Variants in TMEM132D observed in about 807,000 individuals in gnomAD.
The protein encoded by TMEM132D is transmembrane protein 132D.
A neutral mutation model predicts 62.3 loss-of-function variants in TMEM132D; 21 were observed. The observed-to-expected ratio is 0.34, with a 90% confidence interval of 0.24 to 0.49. The LOEUF (loss-of-function observed/expected upper bound fraction) is 0.49. Among genes scored for constraint, TMEM132D ranks in the 20% least tolerant of loss-of-function variants. The pLI, the probability that TMEM132D is intolerant of heterozygous loss-of-function variation, is 0.99. For missense variants in TMEM132D, 1,346 were observed against 1,402.8 expected (o/e 0.96, Z 0.65); for synonymous variants, 621 against 575.6 (o/e 1.08, Z -1.13).
chr12:129,177,988 A>G (rs550711285), intron 5 of TMEM132D, among the ~76,000 whole-genome samples: 5 of 151,982 alleles, frequency 3.3e-5, no homozygotes, highest in African/African-American at 1.2e-4. Context: ...GGCTCTCATC[A>G]TTCAGCTCCC....
At chr12:129,455,025 T>C (rs995558277) in intron 3 of TMEM132D, among the ~76,000 whole-genome samples, 4 of 152,200 alleles carry the variant, frequency 2.6e-5, no homozygotes, top group African/African-American at 9.6e-5. Flanking sequence ...CAGGACCACA[T>C]GTGGTACTTC....
chr12:129,758,907 T>C (rs1359328901), intron 1 of TMEM132D, among the ~76,000 whole-genome samples: 1 of 152,048 alleles, frequency 6.6e-6, no homozygotes, highest in East Asian at 1.9e-4. Context: ...AAATCCTTTG[T>C]GGTGTGTGTT....
Position 129,797,567 on chromosome 12 carries a change from G to T in TMEM132D, c.80-96869C>A, listed in dbSNP as rs528309347. Among the ~76,000 whole-genome samples, 4 of 152,280 alleles carry T rather than the reference G, an allele frequency of 2.6e-5. No individual in the cohort carries two copies. The East Asian group carries it at 7.8e-4, about 30-fold the overall frequency. On this transcript the variant is annotated intron_variant, in intron 1 of 8. Transcript: ENST00000422113. ...GGCTCTGGGTTGGGAGGCAGGTAAGGTTCTGAAAGTCCCGGCTGTGACTTA... is the reference window on the plus strand; with the variant it reads ...GGCTCTGGGTTGGGAGGCAGGTAAGTTTCTGAAAGTCCCGGCTGTGACTTA...
At chr12:129,354,419 G>A (rs144975206) in intron 3 of TMEM132D, among the ~76,000 whole-genome samples, 1 of 152,012 alleles carries the variant, frequency 6.6e-6, no homozygotes, top group East Asian at 1.9e-4. Context: ...CACCTCCTGG[G>A]TTCAAGCAAT....
chr12:129,742,514 G>A (rs1223504568), intron 1 of TMEM132D, among the ~76,000 whole-genome samples: 1 of 152,162 alleles, frequency 6.6e-6, no homozygotes, highest in Non-Finnish European at 1.5e-5. Context: ...CTCCCACATT[G>A]GAGGTCACAT....
At chr12:129,300,542 G>C (rs1023234414) in intron 4 of TMEM132D, among the ~76,000 whole-genome samples, 1 of 152,138 alleles carries the variant, frequency 6.6e-6, no homozygotes, top group Non-Finnish European at 1.5e-5. Context: ...TTTTCGTTTT[G>C]GGAGGGTAGC....
At chr12:129,828,537 G>A (rs1234742462) in intron 1 of TMEM132D, among the ~76,000 whole-genome samples, 2 of 150,550 alleles carry the variant, frequency 1.3e-5, no homozygotes, top group Non-Finnish European at 2.9e-5. Context: ...TACAATATGA[G>A]CACTCAAATT....
intron 1 of TMEM132D, among the ~76,000 whole-genome samples, chr12:129,782,141 G>T (rs993934645): frequency 6.6e-6 from 1 of 152,170 alleles, no homozygotes; most frequent in Admixed American, 6.5e-5. Context: ...TTTCGATTTT[G>T]TTCAGATTAT....
At chr12:129,235,965 C>A (rs901153804) in intron 4 of TMEM132D, among the ~76,000 whole-genome samples, 2 of 152,086 alleles carry the variant, frequency 1.3e-5, no homozygotes, top group Non-Finnish European at 2.9e-5. Context: ...AATATTAATT[C>A]TTTCAATCCA....
chr12:129,297,711 A>T (rs1881611934), intron 4 of TMEM132D, among the ~76,000 whole-genome samples: 1 of 152,198 alleles, frequency 6.6e-6, no homozygotes, highest in African/African-American at 2.4e-5. Context: ...ATCCTGCATC[A>T]GACTGGATAA....
At chr12:129,765,959 T>C (rs1340519682) in intron 1 of TMEM132D, among the ~76,000 whole-genome samples, 1 of 152,184 alleles carries the variant, frequency 6.6e-6, no homozygotes, top group Non-Finnish European at 1.5e-5. Context: ...TCTGGGAACA[T>C]GGTAGAACTG....
intron 3 of TMEM132D, among the ~76,000 whole-genome samples, chr12:129,403,700 C>T (rs114428893): frequency 0.011 from 1,661 of 152,170 alleles, 34 homozygotes; most frequent in African/African-American, 0.037. Context: ...TACAGACATT[C>T]TGTTGACTCG....
chr12:129,695,040 GT>G (rs1881169309), intron 2 of TMEM132D, among the ~76,000 whole-genome samples: 1 of 152,100 alleles, frequency 6.6e-6, no homozygotes, highest in Non-Finnish European at 1.5e-5. Context: ...TAAATAATGT[GT>G]TCTGACCACG....
intron 3 of TMEM132D, among the ~76,000 whole-genome samples, chr12:129,494,252 G>A (rs758658367): frequency 6.6e-5 from 10 of 152,210 alleles, no homozygotes; most frequent in African/African-American, 1.2e-4. Context: ...CAGGGTAAGC[G>A]ATTGGCGTTT....
At chr12:129,090,172 C>T (rs971040936) in intron 5 of TMEM132D, among the ~76,000 whole-genome samples, 4 of 152,166 alleles carry the variant, frequency 2.6e-5, no homozygotes, top group African/African-American at 7.2e-5. Context: ...CTTGTGTCTT[C>T]AGTATCTGCC....
At chr12:129,102,483 TGC>T (rs1491216649) in intron 5 of TMEM132D, among the ~76,000 whole-genome samples, 2 of 124,820 alleles carry the variant, frequency 1.6e-5, no homozygotes, top group African/African-American at 5.7e-5. Context: ...ACTCACACAA[TGC>T]ACACACACAC....
At chr12:129,186,146 C>T (rs911318255) in intron 5 of TMEM132D, among the ~76,000 whole-genome samples, 1 of 152,132 alleles carries the variant, frequency 6.6e-6, no homozygotes, top group Non-Finnish European at 1.5e-5. Context: ...CCCAAGGCCC[C>T]CATGGGGATG....
At chr12:129,677,184 G>A (rs183361690) in intron 2 of TMEM132D, among the ~76,000 whole-genome samples, 2 of 152,306 alleles carry the variant, frequency 1.3e-5, no homozygotes, top group East Asian at 3.9e-4. Flanking sequence ...CATGTCATGA[G>A]AGGAACCTGG....
intron 3 of TMEM132D, among the ~76,000 whole-genome samples, chr12:129,381,179 C>T (rs1432377744): frequency 1.3e-5 from 2 of 152,182 alleles, no homozygotes; most frequent in Non-Finnish European, 2.9e-5. Flanking sequence ...TCAAAGCCAT[C>T]GTTGCTGGCT....
Sources: gnomAD v4.1 joint callset for allele counts (sites outside exome capture counted in the v4.1 genomes callset) on GRCh38, gnomAD v4.1.1 for gene constraint, MANE v1.5 for transcripts, NCBI Gene and HGNC (gene_info 2026-07-23, HGNC 2026-07-21) for gene names.